The following EIF4E variants were observed in gnomAD, a reference collection of about 807,000 sequenced individuals.
EIF4E encodes eIF-4F 25 kDa subunit.
For synonymous variants in EIF4E, 71 were observed against 88.5 expected (o/e 0.80, Z 1.11); for missense variants, 113 against 265.6 (o/e 0.43, Z 3.99).
intron 1 of EIF4E, among the ~76,000 whole-genome samples, chr4:98,919,138 C>G (rs1725535176): frequency 6.6e-6 from 1 of 152,042 alleles, no homozygotes; most frequent in South Asian, 2.1e-4. Context: ...GAAATGCTGT[C>G]TCTACTAAAA....
chr4:98,884,236 T>A (rs1723818294), intron 6 of EIF4E, among the ~76,000 whole-genome samples: 1 of 152,224 alleles, frequency 6.6e-6, no homozygotes, highest in Non-Finnish European at 1.5e-5. Context: ...ATTATTATTA[T>A]GAGCATACAT....
At chr4:98,894,995 G>A (rs1579158278) in intron 2 of EIF4E, 1 of 152,422 alleles carries the variant, frequency 6.6e-6, no homozygotes, top group South Asian at 2.1e-4. Flanking sequence ...GCAGGCCCAA[G>A]GACAAGAAGA....
intron 5 of EIF4E, 163 bp downstream of exon 5, chr4:98,886,916 T>TAAACAGGAG (rs1723943567): frequency 3.0e-6 from 2 of 665,258 alleles, no homozygotes; most frequent in Non-Finnish European, 2.6e-6. Context: ...CACTGTACTA[T>TAAACAGGAG]AAACAGGAGT....
At chr4:98,896,296 A>G (rs1464901121) in intron 2 of EIF4E, among the ~76,000 whole-genome samples, 4 of 151,750 alleles carry the variant, frequency 2.6e-5, no homozygotes, top group African/African-American at 9.7e-5. Flanking sequence ...TGCTTGAGCC[A>G]AAGAGTTCGA....
At position 98,887,214 on chromosome 4, in the gene EIF4E, G is replaced by A. The variant is rs1164377586; in HGVS notation, c.286-22C>T. The stretch of plus-strand genomic sequence containing the variant: ...CATCCTACAGGGTTAGAAGACAACA[G>A]TATTACACAACATTGTTACCTTGAC... On this transcript the variant is annotated intron_variant, in intron 4 of 6. Transcript: ENST00000450253. This position sits in a 1 kb window ranked among gnomAD's most constrained non-coding sequence, Gnocchi z 4.0. The A allele has an allele frequency of 6.2e-7, 1 of 1,604,092 alleles. No homozygotes were observed. Among genetic ancestry groups the A allele is most frequent in the East Asian group, 2.2e-5 (1 of 44,814 alleles).
At chr4:98,894,231 C>A (rs1724268598) in intron 2 of EIF4E, among the ~76,000 whole-genome samples, 1 of 152,178 alleles carries the variant, frequency 6.6e-6, no homozygotes, top group Non-Finnish European at 1.5e-5. Context: ...TTGGGAATGG[C>A]AAATGAGCAC....
intron 1 of EIF4E, among the ~76,000 whole-genome samples, chr4:98,907,812 A>C (rs1724940493): frequency 6.6e-6 from 1 of 152,188 alleles, no homozygotes; most frequent in African/African-American, 2.4e-5. Flanking sequence ...TTCCCTTGTA[A>C]AAAGTGCCGT....
At position 98,901,887 on chromosome 4, in the gene EIF4E, G is replaced by C. The variant is rs1244644004; in HGVS notation, c.114C>G (p.Pro38=). The change falls in exon 2 of 7, where the codon CCC becomes CCG. Residue 38 remains proline, a synonymous_variant. Transcript: ENST00000450253. ...VANPEHYIKH[P]LQNRWALWFF... is the part of the protein sequence containing the mutation. ...GTTAGAAAGCTTACCTGTTCTGTAG[G>C]GGATGTTTAATATAGTGTTCTGGGT... 6.2e-7 allele frequency: 1 copy of C among 1,611,932 alleles called. No individual in the cohort carries two copies. Among genetic ancestry groups the C allele is most frequent in the South Asian group, 1.1e-5 (1 of 90,980 alleles).
chr4:98,906,802 G>A (rs1413674026), intron 1 of EIF4E, among the ~76,000 whole-genome samples: 1 of 152,120 alleles, frequency 6.6e-6, no homozygotes, highest in Non-Finnish European at 1.5e-5. Context: ...ACACCCTCTA[G>A]AGCCATGTTC....
chr4:98,911,487 C>T (rs1725132282), intron 1 of EIF4E, among the ~76,000 whole-genome samples: 2 of 148,878 alleles, frequency 1.3e-5, no homozygotes, highest in South Asian at 4.2e-4. Flanking sequence ...TGGAGAAATC[C>T]CATCTCTACT....
chr4:98,892,450 G>A (rs984338243), intron 2 of EIF4E, among the ~76,000 whole-genome samples: 8 of 151,936 alleles, frequency 5.3e-5, no homozygotes, highest in Non-Finnish European at 1.2e-4. Context: ...AGGCTGAGGT[G>A]GGCGGATCAC....
At chr4:98,893,262 T>C (rs1255591098) in intron 2 of EIF4E, among the ~76,000 whole-genome samples, 1 of 152,264 alleles carries the variant, frequency 6.6e-6, no homozygotes, top group Non-Finnish European at 1.5e-5. Flanking sequence ...TGTTTGCTGC[T>C]GACTGATCAG....
Position 98,928,204 on chromosome 4 carries a change from G to A in EIF4E, c.18+891C>T, listed in dbSNP as rs557367796. 8.5e-5 allele frequency among the ~76,000 whole-genome samples: 13 copies of A among 152,320 alleles called. No individual in the cohort carries two copies. In the South Asian group the frequency reaches 2.5e-3, roughly 29 times the overall value. On this transcript the variant is annotated intron_variant, in intron 1 of 6. Transcript: ENST00000450253. ...ACGCGGAAAGGATGAATGAATGGAAGACGGGCGCGTGTGAAATGCAGCAGG... is the reference window on the plus strand; with the variant it reads ...ACGCGGAAAGGATGAATGAATGGAAAACGGGCGCGTGTGAAATGCAGCAGG...
At chr4:98,926,836 C>A (rs1279465854) in intron 1 of EIF4E, among the ~76,000 whole-genome samples, 2 of 152,184 alleles carry the variant, frequency 1.3e-5, no homozygotes, top group African/African-American at 4.8e-5. Flanking sequence ...ATATCAGGAG[C>A]TATTAATATT....
chr4:98,886,066 T>C (rs1429043296), intron 5 of EIF4E, among the ~76,000 whole-genome samples: 3 of 152,006 alleles, frequency 2.0e-5, no homozygotes, highest in South Asian at 2.1e-4. Flanking sequence ...GGCAGGATGA[T>C]TGCTTGAACC....
chr4:98,919,494 A>C (rs1725554372), intron 1 of EIF4E, among the ~76,000 whole-genome samples: 1 of 151,954 alleles, frequency 6.6e-6, no homozygotes, highest in Admixed American at 6.6e-5. Flanking sequence ...ATACCTTATA[A>C]AGTTGAACTA....
At chr4:98,913,618 A>C (rs1725246980) in intron 1 of EIF4E, among the ~76,000 whole-genome samples, 1 of 152,308 alleles carries the variant, frequency 6.6e-6, no homozygotes, top group African/African-American at 2.4e-5. Context: ...TTATGTACCA[A>C]GGTTTTAAAA....
At position 98,927,488 on chromosome 4, in the gene EIF4E, T is replaced by C. The variant is rs1420001224; in HGVS notation, c.18+1607A>G. On this transcript the variant is annotated intron_variant, in intron 1 of 6. Coordinates refer to ENST00000450253, the MANE Select transcript of EIF4E (RefSeq NM_001968.5). ...CTGGCCAACATGGTGGAACCCCGTC[T>C]CTACTAAAAATACAAAAATTAGCCA... 2.0e-5 allele frequency among the ~76,000 whole-genome samples: 3 copies of C among 151,570 alleles called. No individual in the cohort carries two copies. The East Asian group carries it at 5.8e-4, about 29-fold the overall frequency.
At chr4:98,890,089 C>T (rs1380305230) in intron 3 of EIF4E, among the ~76,000 whole-genome samples, 1 of 152,108 alleles carries the variant, frequency 6.6e-6, no homozygotes, top group Non-Finnish European at 1.5e-5. Context: ...TGGTTTTAAT[C>T]GTATGCTTTG....
Sources: allele counts gnomAD v4.1 joint callset (sites outside exome capture counted in the v4.1 genomes callset), GRCh38; gene constraint gnomAD v4.1.1; non-coding constraint Gnocchi (gnomAD v3.1); transcripts MANE v1.5; gene names NCBI Gene and HGNC (gene_info 2026-07-23, HGNC 2026-07-21).